Variants in ZDHHC3 observed in about 807,000 individuals in gnomAD.
The protein encoded by ZDHHC3 is palmitoyltransferase ZDHHC3.
A neutral mutation model predicts 30.6 loss-of-function variants in ZDHHC3; 9 were observed. The observed-to-expected ratio is 0.29, with a 90% CI of 0.18 to 0.51. The LOEUF (loss-of-function observed/expected upper bound fraction) is 0.51, where lower values mean the gene tolerates loss of function less well. Ranked by LOEUF, ZDHHC3 falls within the 20% of genes least tolerant of loss-of-function variation. ZDHHC3 has a pLI of 0.97. For missense variants in ZDHHC3, 246 were observed against 384.2 expected (o/e 0.64, Z 3.01); for synonymous variants, 136 against 140.2 (o/e 0.97, Z 0.21).
chr3:44,961,055 T>C lies in ZDHHC3; in HGVS notation c.-24-1595A>G, dbSNP rs114688427. On this transcript the variant is annotated intron_variant, in intron 1 of 6. Transcript: ENST00000424952. ...ATATCGACTCAGCAAATGCAGTCACTATCACTGTGTTAGGGAACAAGAAGT... is the reference window on the plus strand; with the variant it reads ...ATATCGACTCAGCAAATGCAGTCACCATCACTGTGTTAGGGAACAAGAAGT... Among the ~76,000 whole-genome samples, 1,050 of 152,352 alleles carry C rather than the reference T, an allele frequency of 6.9e-3. 14 individuals are homozygous for C. Among genetic ancestry groups the C allele is most frequent in the African/African-American group, 0.024 (985 of 41,578 alleles).
In ZDHHC3 at chr3:44,926,492, C is replaced by A; in HGVS notation, c.*197G>T. 9.4e-6 allele frequency: 12 copies of A among 1,278,428 alleles called. No homozygotes were observed. The South Asian group carries it at 2.1e-4, about 22-fold the overall frequency. 79.2% of individuals were successfully genotyped at this position (1,278,428 alleles called of 1,614,324 possible). A position where few individuals can be genotyped will look rare whatever the true frequency, so the allele number is the denominator to read the frequency against. ...AGCAGCTTCGGTCACCAAAAGAAAT[C>A]GAAAGGATGGTTTTTAAAAAATAAA... is the stretch of plus-strand genomic sequence containing the variant. On this transcript the variant is annotated 3_prime_UTR_variant, in exon 7 of 7. Transcript: ENST00000424952.
chr3:44,957,898 T>C (rs1253513460), intron 2 of ZDHHC3, among the ~76,000 whole-genome samples: 1 of 152,224 alleles, frequency 6.6e-6, no homozygotes, highest in Non-Finnish European at 1.5e-5. Context: ...AGCAAAGCAA[T>C]GTTTTTTACT....
intron 2 of ZDHHC3, among the ~76,000 whole-genome samples, chr3:44,954,421 G>A (rs372169988): frequency 6.6e-6 from 1 of 152,126 alleles, no homozygotes; most frequent in African/African-American, 2.4e-5. Context: ...ACAGTAACAC[G>A]TTGCATGGGT....
In ZDHHC3 at chr3:44,916,593, G is replaced by A. The variant is rs993950387; in HGVS notation, c.*10096C>T. ...CCAATCCTGACGCCAGTAGACGCTG[G>A]GGAAATGGGCCAAAGAGAGGAACAA... On this transcript the variant is annotated 3_prime_UTR_variant, in exon 7 of 7. Coordinates refer to ENST00000424952, the MANE Select transcript of ZDHHC3 (RefSeq NM_001135179.2). 1.3e-5 allele frequency: 2 copies of A among 152,276 alleles called. No individual in the cohort carries two copies. Among genetic ancestry groups the A allele is most frequent in the Non-Finnish European group, 2.9e-5 (2 of 68,108 alleles). 9.4% of individuals were successfully genotyped at this position (152,276 alleles called of 1,614,324 possible). A position where few individuals can be genotyped will look rare whatever the true frequency, so the allele number is the denominator to read the frequency against.
intron 1 of ZDHHC3, among the ~76,000 whole-genome samples, chr3:44,961,800 C>A (rs1166137029): frequency 6.6e-6 from 1 of 152,248 alleles, no homozygotes; most frequent in Non-Finnish European, 1.5e-5. Flanking sequence ...TGTGTTCTCA[C>A]AATTACTATT....
intron 5 of ZDHHC3, among the ~76,000 whole-genome samples, chr3:44,930,708 A>G (rs900348795): frequency 1.3e-5 from 2 of 152,232 alleles, no homozygotes; most frequent in African/African-American, 2.4e-5. Flanking sequence ...CTCATCCACA[A>G]TGCATATCTC....
At position 44,926,970 on chromosome 3, in the gene ZDHHC3, AC is replaced by A; in HGVS notation, c.742-124del. On this transcript the variant is annotated intron_variant, in intron 6 of 6. Transcript: ENST00000424952. ...CCTTTTTAAAGCAACAAAGCTATCTACCTAATATATCTTTCTCATAAAAAGT... is the reference window on the plus strand; with the variant it reads ...CCTTTTTAAAGCAACAAAGCTATCTACTAATATATCTTTCTCATAAAAAGT... 6 of 1,286,414 alleles carry A rather than the reference AC, an allele frequency of 4.7e-6. No homozygotes were observed. In the South Asian group the frequency reaches 1.2e-4, roughly 26 times the overall value. 79.7% of individuals were successfully genotyped at this position (1,286,414 alleles called of 1,614,324 possible). A position where few individuals can be genotyped will look rare whatever the true frequency, so the allele number is the denominator to read the frequency against.
chr3:44,925,068 C>T lies in ZDHHC3; in HGVS notation c.*1621G>A. 1.0e-6 allele frequency: 1 copy of T among 985,842 alleles called. No homozygotes were observed. Among genetic ancestry groups the T allele is most frequent in the Non-Finnish European group, 1.2e-6 (1 of 829,940 alleles). The allele number at this position is 985,842 out of a possible 1,614,324, so 61.1% of individuals were successfully genotyped here. A position where few individuals can be genotyped will look rare whatever the true frequency, so the allele number is the denominator to read the frequency against. Reference sequence around the variant, plus strand: ...AAATAAAGTATCCTCATTCAAGAGACAGAGCAATGAAACAAACACCCAACC... The same window carrying T: ...AAATAAAGTATCCTCATTCAAGAGATAGAGCAATGAAACAAACACCCAACC... On this transcript the variant is annotated 3_prime_UTR_variant, in exon 7 of 7. Coordinates refer to ENST00000424952, the MANE Select transcript of ZDHHC3 (RefSeq NM_001135179.2).
chr3:44,929,793 T>C (rs1701332518), intron 5 of ZDHHC3, among the ~76,000 whole-genome samples: 1 of 152,206 alleles, frequency 6.6e-6, no homozygotes, highest in Non-Finnish European at 1.5e-5. Context: ...CAGGGGACCC[T>C]GCTCTCCTCA....
chr3:44,975,766 TCTCTCTCACA>T (rs1200485529), intron 1 of ZDHHC3, among the ~76,000 whole-genome samples, 157 bp downstream of exon 1: 9 of 144,432 alleles, frequency 6.2e-5, no homozygotes, highest in Admixed American at 2.7e-4. Context: ...TCTCTCTCTC[TCTCTCTCACA>T]CACACACACA....
At chr3:44,952,647 T>G (rs1414278270) in intron 2 of ZDHHC3, among the ~76,000 whole-genome samples, 1 of 152,130 alleles carries the variant, frequency 6.6e-6, no homozygotes, top group Non-Finnish European at 1.5e-5. Flanking sequence ...TATTTGGAGT[T>G]TCCCAAAGGC....
At chr3:44,930,348 G>A (rs1701386257) in intron 5 of ZDHHC3, among the ~76,000 whole-genome samples, 1 of 152,214 alleles carries the variant, frequency 6.6e-6, no homozygotes, top group African/African-American at 2.4e-5. Flanking sequence ...AAGGTGGCCT[G>A]GGAAATGCCA....
In ZDHHC3 at chr3:44,970,472, T is replaced by G. The variant is rs189863446; in HGVS notation, c.-25+5461A>C. 4.8e-3 allele frequency among the ~76,000 whole-genome samples: 737 copies of G among 152,370 alleles called. 4 individuals are homozygous for G. The highest frequency in any genetic ancestry group is 7.8e-3 in the Non-Finnish European group (529 of 68,036). ...GACAGTTACCATTCTGGGCCTCAGTTTCCTCATTTGATAAAACAAAGGGGA... is the reference window on the plus strand; with the variant it reads ...GACAGTTACCATTCTGGGCCTCAGTGTCCTCATTTGATAAAACAAAGGGGA... On this transcript the variant is annotated intron_variant, in intron 1 of 6. Transcript: ENST00000424952.
Position 44,920,367 on chromosome 3 carries a change from C to T in ZDHHC3, c.*6322G>A. 4 of 1,289,448 alleles carry T rather than the reference C, an allele frequency of 3.1e-6. No individual in the cohort carries two copies. The highest frequency in any genetic ancestry group is 4.0e-6 in the Non-Finnish European group (4 of 988,606). The allele number at this position is 1,289,448 out of a possible 1,614,324, so 79.9% of individuals were successfully genotyped here. A position where few individuals can be genotyped will look rare whatever the true frequency, so the allele number is the denominator to read the frequency against. ...TGAGAAAGAGGCTTTAACTTCATAG[C>T]ACGAGAGCTGGGACATCACCATATG... On this transcript the variant is annotated 3_prime_UTR_variant, in exon 7 of 7. Transcript: ENST00000424952.
At chr3:44,958,863 T>A (rs1338338705) in intron 2 of ZDHHC3, among the ~76,000 whole-genome samples, 2 of 152,112 alleles carry the variant, frequency 1.3e-5, no homozygotes, top group Admixed American at 6.5e-5. Flanking sequence ...ACCAAACCCC[T>A]CCCAGAGCAG....
At chr3:44,935,851 T>C (rs951283421) in intron 3 of ZDHHC3, among the ~76,000 whole-genome samples, 1 of 152,098 alleles carries the variant, frequency 6.6e-6, no homozygotes, top group Non-Finnish European at 1.5e-5. Context: ...TTACACCATA[T>C]ACAAAAATCA....
In ZDHHC3 at chr3:44,924,295, C is replaced by A. The variant is rs1243430900; in HGVS notation, c.*2394G>T. 2 of 985,330 alleles carry A rather than the reference C, an allele frequency of 2.0e-6. No individual in the cohort carries two copies. The allele number at this position is 985,330 out of a possible 1,614,324, so 61.0% of individuals were successfully genotyped here. On this transcript the variant is annotated 3_prime_UTR_variant, in exon 7 of 7. Transcript: ENST00000424952. ...AGGCTGGGAACCAATCACTACCCTG[C>A]AAATGATGGCTACATTCCTCAGTCA...
In ZDHHC3 at chr3:44,922,081, A is replaced by T; in HGVS notation, c.*4608T>A. The T allele has an allele frequency of 4.1e-6, 4 of 985,426 alleles. No homozygotes were observed. The highest frequency in any genetic ancestry group is 4.8e-6 in the Non-Finnish European group (4 of 829,922). The allele number at this position is 985,426 out of a possible 1,614,324, so 61.0% of individuals were successfully genotyped here. A position where few individuals can be genotyped will look rare whatever the true frequency, so the allele number is the denominator to read the frequency against. Reference sequence around the variant, plus strand: ...TTACTTGAGGGAGAGGGTGAGAAAAAGAAGGTTCAGGTTGGGAGTACGCTG... The same window carrying T: ...TTACTTGAGGGAGAGGGTGAGAAAATGAAGGTTCAGGTTGGGAGTACGCTG... On this transcript the variant is annotated 3_prime_UTR_variant, in exon 7 of 7. Transcript: ENST00000424952.
Position 44,918,125 on chromosome 3 carries a change from G to A in ZDHHC3, c.*8564C>T, listed in dbSNP as rs750633478. 50 of 1,304,836 alleles carry A rather than the reference G, an allele frequency of 3.8e-5. No homozygotes were observed. Among genetic ancestry groups the A allele is most frequent in the Admixed American group, 1.1e-4 (5 of 43,532 alleles). 80.8% of individuals were successfully genotyped at this position (1,304,836 alleles called of 1,614,324 possible). On this transcript the variant is annotated 3_prime_UTR_variant, in exon 7 of 7. Coordinates refer to ENST00000424952, the MANE Select transcript of ZDHHC3 (RefSeq NM_001135179.2). ...ATGTGCTCCCTGGGCTGGTTCTTTC[G>A]TTTGAGGCGCTCGATGCCCTGCAGG...
Sources: gnomAD v4.1 joint callset for allele counts (sites outside exome capture counted in the v4.1 genomes callset) on GRCh38, gnomAD v4.1.1 for gene constraint, MANE v1.5 for transcripts, NCBI Gene and HGNC (gene_info 2026-07-23, HGNC 2026-07-21) for gene names.